The following BCL2 variants were observed in gnomAD, a reference collection of about 807,000 sequenced individuals.
The protein encoded by BCL2 is apoptosis regulator Bcl-2.
In BCL2, 1 loss-of-function variant was observed where a neutral mutation model predicts 14.2. That is an observed-to-expected ratio of 0.07 (90% confidence interval 0.02 to 0.33). The LOEUF (loss-of-function observed/expected upper bound fraction) is 0.33, where lower values mean the gene tolerates loss of function less well. Ranked by LOEUF, BCL2 falls within the 10% of genes least tolerant of loss-of-function variation. The pLI is 0.99. For missense variants in BCL2, 247 were observed against 305.9 expected, an observed-to-expected ratio of 0.81 and a Z score of 1.44; for synonymous variants, 151 against 137.2, an observed-to-expected ratio of 1.10 and a Z score of -0.70.
intron 2 of BCL2, among the ~76,000 whole-genome samples, chr18:63,162,561 T>A (rs1914947735): frequency 6.6e-6 from 1 of 152,144 alleles, no homozygotes; most frequent in Admixed American, 6.6e-5. Context: ...GCATTCTAGA[T>A]CGTGTTTCTT....
At chr18:63,313,251 G>A (rs780119848) in intron 2 of BCL2, among the ~76,000 whole-genome samples, 4 of 152,132 alleles carry the variant, frequency 2.6e-5, no homozygotes, top group Non-Finnish European at 5.9e-5. Flanking sequence ...CCTAACCCAA[G>A]GCAGGACTCA....
At chr18:63,288,992 G>A (rs768590559) in intron 2 of BCL2, among the ~76,000 whole-genome samples, 3 of 152,146 alleles carry the variant, frequency 2.0e-5, no homozygotes, top group Non-Finnish European at 2.9e-5. Flanking sequence ...TTGAATGAAT[G>A]AATGAATGAA....
intron 2 of BCL2, among the ~76,000 whole-genome samples, chr18:63,218,765 T>TACTCATCCCCCTCC (rs1910294561): frequency 2.1e-4 from 1 of 4,750 alleles, no homozygotes; most frequent in African/African-American, 9.6e-4. Flanking sequence ...CATCCCCCTC[T>TACTCATCCCCCTCC]ACTCATCCCC....
chr18:63,275,285 A>C (rs1019151193), intron 2 of BCL2, among the ~76,000 whole-genome samples: 20 of 152,146 alleles, frequency 1.3e-4, no homozygotes, highest in Non-Finnish European at 2.4e-4. Context: ...TGTAACTTGA[A>C]GACCAGTGAG....
At position 63,212,093 on chromosome 18, in the gene BCL2, T is replaced by C. The variant is rs375930034; in HGVS notation, c.586-83334A>G. Among the ~76,000 whole-genome samples, 81 of 146,082 alleles carry C rather than the reference T, an allele frequency of 5.5e-4. 2 individuals carry two copies. Among genetic ancestry groups the C allele is most frequent in the African/African-American group, 6.6e-4 (27 of 40,968 alleles). ...CTGTAATCCCAGCACTTTGGGAGGC[T>C]GAGGCAGGTGGATCACAAGGTCAGG... is the stretch of plus-strand genomic sequence containing the variant. On this transcript the variant is annotated intron_variant, in intron 2 of 2. Transcript: ENST00000333681.
intron 2 of BCL2, among the ~76,000 whole-genome samples, chr18:63,272,236 C>T (rs1037399254): frequency 6.6e-6 from 1 of 152,188 alleles, no homozygotes; most frequent in Non-Finnish European, 1.5e-5. Flanking sequence ...AGTTGTGATG[C>T]AACCCTGGAA....
chr18:63,177,364 C>T (rs117823141), intron 2 of BCL2, among the ~76,000 whole-genome samples: 3,584 of 152,300 alleles, frequency 0.024, 66 homozygotes, highest in Middle Eastern at 0.048. Context: ...AAGGATGCCT[C>T]TCCACAAAAT....
chr18:63,207,098 A>C (rs1909858142), intron 2 of BCL2, among the ~76,000 whole-genome samples: 10 of 152,224 alleles, frequency 6.6e-5, no homozygotes, highest in Admixed American at 6.5e-4. Flanking sequence ...CTAGGAATAC[A>C]GTTTTATGAT....
At chr18:63,227,916 C>T (rs182817802) in intron 2 of BCL2, among the ~76,000 whole-genome samples, 1 of 152,324 alleles carries the variant, frequency 6.6e-6, no homozygotes, top group East Asian at 1.9e-4. Context: ...ACCAAAATGC[C>T]ACAGACCAGG....
In BCL2 at chr18:63,190,765, G is replaced by A. The variant is rs572844250; in HGVS notation, c.586-62006C>T. Reference sequence around the variant, plus strand: ...GTACAGGCTTGTGACATAGGTAAACGTGTGCCATGGTGGTTTGCTGCACCT... The same window carrying A: ...GTACAGGCTTGTGACATAGGTAAACATGTGCCATGGTGGTTTGCTGCACCT... On this transcript the variant is annotated intron_variant, in intron 2 of 2. Transcript: ENST00000333681. 1.3e-4 allele frequency among the ~76,000 whole-genome samples: 20 copies of A among 152,074 alleles called. 1 individual carries two copies. In the East Asian group the frequency reaches 2.3e-3, roughly 18 times the overall value.
chr18:63,268,935 C>T (rs145731923), intron 2 of BCL2, among the ~76,000 whole-genome samples: 32 of 151,842 alleles, frequency 2.1e-4, no homozygotes, highest in Admixed American at 9.2e-4. Context: ...TATTATTATT[C>T]GGTCTTTTTT....
chr18:63,190,151 AT>A (rs1402321123), intron 2 of BCL2, among the ~76,000 whole-genome samples: 2 of 152,260 alleles, frequency 1.3e-5, no homozygotes, highest in Admixed American at 1.3e-4. Context: ...CTCTCCCAGG[AT>A]AAAAAAATGT....
In BCL2 at chr18:63,125,790, T is replaced by C. The variant is rs1913896342; in HGVS notation, c.*2835A>G. On this transcript the variant is annotated 3_prime_UTR_variant, in exon 3 of 3. Transcript: ENST00000333681. ...CAACATCAACTACTCTTAGAGCAAG[T>C]GCAGCCACAATACTGTACAGTTCTG... is the stretch of plus-strand genomic sequence containing the variant. The C allele has an allele frequency of 9.1e-6, 2 of 218,822 alleles. No individual in the cohort carries two copies. Among genetic ancestry groups the C allele is most frequent in the Non-Finnish European group, 1.8e-5 (2 of 108,882 alleles). 13.6% of individuals were successfully genotyped at this position (218,822 alleles called of 1,614,324 possible).
chr18:63,141,170 T>G (rs908480811), intron 2 of BCL2, among the ~76,000 whole-genome samples: 47 of 152,224 alleles, frequency 3.1e-4, no homozygotes, highest in African/African-American at 9.7e-4. Context: ...AAGAAGTCTC[T>G]CTCCGCTCTA....
intron 2 of BCL2, among the ~76,000 whole-genome samples, chr18:63,183,578 T>G (rs1915526009): frequency 6.6e-6 from 1 of 152,004 alleles, no homozygotes; most frequent in Non-Finnish European, 1.5e-5. Context: ...AGCCTCTAGA[T>G]GAGAGAAAAT....
chr18:63,279,397 T>C (rs746014998), intron 2 of BCL2, among the ~76,000 whole-genome samples: 17 of 152,326 alleles, frequency 1.1e-4, no homozygotes, highest in South Asian at 6.2e-4. Context: ...AGGCACGTTC[T>C]AAAAGAAAAT....
intron 2 of BCL2, among the ~76,000 whole-genome samples, chr18:63,198,594 A>C (rs978189469): frequency 2.0e-5 from 3 of 151,554 alleles, no homozygotes; most frequent in African/African-American, 7.3e-5. Flanking sequence ...ATAGACACAG[A>C]GACACACACA....
chr18:63,134,430 G>A (rs536763646), intron 2 of BCL2, among the ~76,000 whole-genome samples: 7 of 152,264 alleles, frequency 4.6e-5, no homozygotes, highest in Admixed American at 2.0e-4. Flanking sequence ...GGTTAAGTGA[G>A]GGCCTCCTTA....
intron 2 of BCL2, among the ~76,000 whole-genome samples, chr18:63,259,924 A>G (rs1911606113): frequency 6.6e-6 from 1 of 152,176 alleles, no homozygotes; most frequent in Non-Finnish European, 1.5e-5. Context: ...TCAATTGCAC[A>G]CATCTGCTTT....
Sources: gnomAD v4.1 joint callset for allele counts (sites outside exome capture counted in the v4.1 genomes callset) on GRCh38, gnomAD v4.1.1 for gene constraint, MANE v1.5 for transcripts, NCBI Gene and HGNC (gene_info 2026-07-23, HGNC 2026-07-21) for gene names.